The following PCDHA12 variants were observed in gnomAD, a reference collection of about 807,000 sequenced individuals.
PCDHA12 encodes the protein protocadherin alpha 12.
In PCDHA12, 44 loss-of-function variants were observed where a neutral mutation model predicts 60.0. The observed-to-expected ratio is 0.73, with a 90% CI of 0.58 to 0.94. The LOEUF is 0.94. Among genes scored for constraint, PCDHA12 ranks in the 40% least tolerant of loss-of-function variants. The pLI is 0.00. For synonymous variants in PCDHA12, 569 were observed against 553.0 expected (o/e 1.03, Z -0.40); for missense variants, 1,276 against 1,239.7 (o/e 1.03, Z -0.44).
intron 3 of PCDHA12, among the ~76,000 whole-genome samples, chr5:141,003,515 G>C (rs1402480495): frequency 1.3e-5 from 2 of 152,114 alleles, no homozygotes; most frequent in Admixed American, 6.5e-5. Flanking sequence ...GTTTCACCAT[G>C]TTCCCTAGGC....
chr5:140,948,029 T>A (rs1372869400), intron 1 of PCDHA12, among the ~76,000 whole-genome samples: 1 of 151,594 alleles, frequency 6.6e-6, no homozygotes, highest in African/African-American at 2.4e-5. Flanking sequence ...TCTGGTTTGC[T>A]CAGAGTTTTA....
intron 1 of PCDHA12, among the ~76,000 whole-genome samples, chr5:140,960,384 A>G (rs1204813293): frequency 6.6e-6 from 1 of 152,198 alleles, no homozygotes. Flanking sequence ...GTGCCAAGAC[A>G]TTAGGATGCA....
At chr5:140,968,626 T>C in intron 1 of PCDHA12, 1 of 1,614,156 alleles carries the variant, frequency 6.2e-7, no homozygotes. Context: ...ATGCTTGGCT[T>C]TTTTACCATC....
intron 1 of PCDHA12, chr5:140,930,379 G>T (rs1249793792): frequency 6.6e-6 from 1 of 151,896 alleles, no homozygotes; most frequent in African/African-American, 2.4e-5. Flanking sequence ...GTGGCCCTTG[G>T]CATTTCAAAA....
At chr5:141,007,149 T>G (rs980574316) in intron 3 of PCDHA12, among the ~76,000 whole-genome samples, 12 of 152,084 alleles carry the variant, frequency 7.9e-5, no homozygotes, top group African/African-American at 2.9e-4. Context: ...CAAAGGAAAC[T>G]GTCAAAGAAC....
At chr5:140,889,637 G>A (rs184352635) in intron 1 of PCDHA12, among the ~76,000 whole-genome samples, 5 of 151,668 alleles carry the variant, frequency 3.3e-5, no homozygotes, top group Admixed American at 3.3e-4. Context: ...CTTTTCATTT[G>A]TGTTTGCAGG....
chr5:140,896,561 G>C (rs1562891119), intron 1 of PCDHA12, among the ~76,000 whole-genome samples: 2 of 150,758 alleles, frequency 1.3e-5, no homozygotes, highest in Non-Finnish European at 2.9e-5. Flanking sequence ...ATTTTAAGTA[G>C]AGATGGGGTT....
chr5:140,903,647 T>A (rs1583499959), intron 1 of PCDHA12, among the ~76,000 whole-genome samples: 1 of 152,228 alleles, frequency 6.6e-6, no homozygotes, highest in East Asian at 1.9e-4. Flanking sequence ...ACCATATACA[T>A]ATATTATAAA....
chr5:140,883,997 G>A, intron 1 of PCDHA12: 1 of 1,613,014 alleles, frequency 6.2e-7, no homozygotes, highest in Non-Finnish European at 8.5e-7. Context: ...GGGAGGCACA[G>A]TGAGCGAGCT....
chr5:141,010,461 G>C lies in PCDHA12; in HGVS notation c.*524G>C. The C allele has an allele frequency of 1.2e-6, 1 of 823,014 alleles. No individual in the cohort carries two copies. The highest frequency in any genetic ancestry group is 1.8e-6 in the Non-Finnish European group (1 of 553,022). The allele number at this position is 823,014 out of a possible 1,614,324, so 51.0% of individuals were successfully genotyped here. A position where few individuals can be genotyped will look rare whatever the true frequency, so the allele number is the denominator to read the frequency against. On this transcript the variant is annotated 3_prime_UTR_variant, in exon 4 of 4. Coordinates refer to ENST00000398631, the MANE Select transcript of PCDHA12 (RefSeq NM_018903.4). ...GACAAATAAACAGCGGAAGTTATCAGTATGGAGGGGAAGTGTAAACTTAAA... is the reference window on the plus strand; with the variant it reads ...GACAAATAAACAGCGGAAGTTATCACTATGGAGGGGAAGTGTAAACTTAAA...
At chr5:140,888,210 T>TTG (rs1325850915) in intron 1 of PCDHA12, among the ~76,000 whole-genome samples, 2 of 152,080 alleles carry the variant, frequency 1.3e-5, no homozygotes, top group Admixed American at 1.3e-4. Context: ...ATGCTGGATT[T>TTG]TGTGTGTGTG....
intron 3 of PCDHA12, 128 bp downstream of exon 3, chr5:140,982,691 C>T: frequency 7.1e-7 from 1 of 1,408,152 alleles, no homozygotes; most frequent in Non-Finnish European, 9.3e-7. Context: ...TTTTTCCATA[C>T]ATACATGATT....
chr5:140,973,815 A>G (rs2096603789), intron 1 of PCDHA12, among the ~76,000 whole-genome samples: 1 of 152,224 alleles, frequency 6.6e-6, no homozygotes, highest in Admixed American at 6.5e-5. Flanking sequence ...CAGAATAGCA[A>G]AGTCAGTTCT....
At chr5:140,999,795 T>C (rs1222111677) in intron 3 of PCDHA12, among the ~76,000 whole-genome samples, 3 of 152,224 alleles carry the variant, frequency 2.0e-5, no homozygotes, top group Non-Finnish European at 4.4e-5. Context: ...GGCAGAGTTA[T>C]TTTGGGCACA....
intron 1 of PCDHA12, chr5:140,969,580 AT>A: frequency 2.2e-6 from 2 of 914,646 alleles, no homozygotes; most frequent in Non-Finnish European, 3.2e-6. Flanking sequence ...AGAAGTGAGG[AT>A]TAGTCTTAAT....
intron 1 of PCDHA12, among the ~76,000 whole-genome samples, chr5:140,939,247 T>C (rs1413301027): frequency 6.6e-6 from 1 of 152,246 alleles, no homozygotes; most frequent in South Asian, 2.1e-4. Context: ...GCAAGGTAGC[T>C]CTCTGGAACC....
chr5:140,878,474 C>A (rs1227598146), intron 1 of PCDHA12, among the ~76,000 whole-genome samples: 1 of 152,134 alleles, frequency 6.6e-6, no homozygotes, highest in Non-Finnish European at 1.5e-5. Flanking sequence ...AATCATTTCT[C>A]AATTTAAAAA....
intron 1 of PCDHA12, among the ~76,000 whole-genome samples, chr5:140,938,975 C>T (rs1249900927): frequency 6.6e-6 from 1 of 152,188 alleles, no homozygotes; most frequent in African/African-American, 2.4e-5. Flanking sequence ...GGCATCAAGG[C>T]TATCCTGGCT....
intron 3 of PCDHA12, among the ~76,000 whole-genome samples, chr5:140,995,791 T>C (rs547359105): frequency 1.3e-5 from 2 of 152,266 alleles, no homozygotes; most frequent in South Asian, 4.1e-4. Context: ...TTAAAATTTG[T>C]CTCATGTTAG....
Sources: allele counts gnomAD v4.1 joint callset (sites outside exome capture counted in the v4.1 genomes callset), GRCh38; gene constraint gnomAD v4.1.1; transcripts MANE v1.5; gene names NCBI Gene and HGNC (gene_info 2026-07-23, HGNC 2026-07-21).